The following ZNF219 variants were observed in gnomAD, a reference collection of about 807,000 sequenced individuals.
ZNF219 encodes the protein zinc finger protein 219.
Under a neutral mutation model 54.4 loss-of-function variants are expected in ZNF219, and 17 were observed. That is an observed-to-expected ratio of 0.31 (90% CI 0.21 to 0.47). ZNF219 has a LOEUF of 0.47. Ranked by LOEUF, ZNF219 falls within the 20% of genes least tolerant of loss-of-function variation. The pLI is 1.00. For missense variants in ZNF219, 1,014 were observed against 1,062.3 expected (o/e 0.95, Z 0.63); for synonymous variants, 518 against 476.4 (o/e 1.09, Z -1.14).
chr14:21,092,685 C>T lies in ZNF219; in HGVS notation c.612G>A (p.Leu204=). 1 of 1,576,920 alleles carries T rather than the reference C, an allele frequency of 6.3e-7. No individual in the cohort carries two copies. Among genetic ancestry groups the T allele is most frequent in the Non-Finnish European group, 8.6e-7 (1 of 1,163,188 alleles). The change falls in exon 3 of 5, where the codon CTG becomes CTA. Residue 204 remains leucine, a synonymous_variant. Coordinates refer to ENST00000360947, the MANE Select transcript of ZNF219 (RefSeq NM_016423.3). ...CGTGGGCCGTCAGGCTGTGGTGCAGCAGCTCCTCCTCCTGGCTGGAGCCGA... is the reference window on the plus strand; with the variant it reads ...CGTGGGCCGTCAGGCTGTGGTGCAGTAGCTCCTCCTCCTGGCTGGAGCCGA... The part of the protein sequence containing the change: ...CSFGSSQEEE[L]LHHSLTAHGA...
chr14:21,093,968 A>C, intron 1 of ZNF219: 1 of 385,720 alleles, frequency 2.6e-6, no homozygotes, highest in Non-Finnish European at 5.0e-6. Flanking sequence ...GACCATCACA[A>C]TATGCCCCTC....
upstream of ZNF219, chr14:21,098,918 C>T: frequency 2.5e-6 from 3 of 1,214,784 alleles, no homozygotes; most frequent in South Asian, 2.6e-5. Flanking sequence ...TTCTGTCTCT[C>T]TTTTGGGGGA....
chr14:21,093,334 T>C (rs1228213663), intron 2 of ZNF219, 44 bp from the exon 3 acceptor site: 2 of 1,527,450 alleles, frequency 1.3e-6, no homozygotes, highest in Non-Finnish European at 1.7e-6. Context: ...AAGGTAGAGC[T>C]GTAAAGGAAG....
At position 21,091,943 on chromosome 14, in the gene ZNF219, G is replaced by C; in HGVS notation, c.1354C>G (p.Leu452Val). 1 of 1,603,574 alleles carries C rather than the reference G, an allele frequency of 6.2e-7. No homozygotes were observed. The highest frequency in any genetic ancestry group is 8.5e-7 in the Non-Finnish European group (1 of 1,176,166). Residue 452 changes from leucine to valine, a missense_variant, in exon 3 of 5, where the codon CTG becomes GTG. Leu to Val is a conservative substitution (Grantham distance 32). This residue lies in a region of ZNF219 where 272 missense variants were observed against 248.9 expected (regional missense o/e 1.09). Transcript: ENST00000360947. ...GGTCCCTCACCCGGGCGCGGGTGCA[G>C]GGAAGCCAGAGAGCCCAGCGACCTG... is the stretch of plus-strand genomic sequence containing the variant. ...RGRSLGSLAS[L>V]HPRPGEGPGH...
In ZNF219 at chr14:21,090,873, C is replaced by A. The variant is rs1888795853; in HGVS notation, c.1832G>T (p.Ser611Ile). 1 of 1,552,740 alleles carries A rather than the reference C, an allele frequency of 6.4e-7. No homozygotes were observed. Among genetic ancestry groups the A allele is most frequent in the East Asian group, 2.4e-5 (1 of 41,532 alleles). ...CCCGTTGCGCAGGGTCCTCCCAGGG[C>A]TGGCGGGCTTCCGACGGGACCCCGG... ...AGPGSRRKPA[S>I]PGRTLRNGRG... The change falls in exon 5 of 5, where the codon AGC becomes ATC. Residue 611 changes from serine to isoleucine, a missense_variant. Transcript: ENST00000360947. The surrounding 1 kb of genome is among the most constrained non-coding windows in gnomAD (Gnocchi z 4.4).
upstream of ZNF219, chr14:21,102,946 TGGTG>T: frequency 7.4e-7 from 1 of 1,353,732 alleles, no homozygotes; most frequent in Non-Finnish European, 9.9e-7. Context: ...TCTCCCCTAA[TGGTG>T]GGTAAGAGGA....
At chr14:21,100,683 A>T (rs530129069), upstream of ZNF219, among the ~76,000 whole-genome samples, 1 of 152,348 alleles carries the variant, frequency 6.6e-6, no homozygotes, top group Non-Finnish European at 1.5e-5. Context: ...GAGACTGTCC[A>T]GAAAGTGAGA....
At position 21,091,497 on chromosome 14, in the gene ZNF219, C is replaced by T. The variant is rs747863492; in HGVS notation, c.1478G>A (p.Arg493Gln). The T allele has an allele frequency of 2.1e-5, 34 of 1,609,586 alleles. No individual in the cohort carries two copies. Among genetic ancestry groups the T allele is most frequent in the Non-Finnish European group, 2.9e-5 (34 of 1,176,894 alleles). ...AGGACAATCCTTGCCGGTGGCGCCCCGGCCCCCTTCAGGCCGGGTCCCTCC... is the reference window on the plus strand; with the variant it reads ...AGGACAATCCTTGCCGGTGGCGCCCTGGCCCCCTTCAGGCCGGGTCCCTCC... ...LVGGTRPEGG[R>Q]GATGKDCPFC... is the part of the protein sequence containing the mutation. The change falls in exon 4 of 5, where the codon CGG becomes CAG. Residue 493 changes from arginine to glutamine, a missense_variant. By Grantham distance (43) the Arg-to-Gln change is conservative. This residue lies in a region of ZNF219 where 38 missense variants were observed against 67.3 expected (regional missense o/e 0.56). Coordinates refer to ENST00000360947, the MANE Select transcript of ZNF219 (RefSeq NM_016423.3).
upstream of ZNF219, chr14:21,098,868 T>A (rs1168751005): frequency 7.8e-7 from 1 of 1,284,438 alleles, no homozygotes; most frequent in East Asian, 5.7e-5. Context: ...ACTCGGGAAG[T>A]TCTTCCTGGG....
At position 21,090,918 on chromosome 14, in the gene ZNF219, G is replaced by A. The variant is rs1888803297; in HGVS notation, c.1787C>T (p.Pro596Leu). The A allele has an allele frequency of 6.5e-7, 1 of 1,549,012 alleles. No individual in the cohort carries two copies. Among genetic ancestry groups the A allele is most frequent in the Non-Finnish European group, 8.7e-7 (1 of 1,151,132 alleles). The stretch of plus-strand genomic sequence containing the variant: ...CCCCGGCCCAGCACCGCTAGAAGGA[G>A]GCCGGGGACTTGAGGCGCCCTCCAC... ...TWVEGASSPR[P>L]PSSGAGPGSR... The change falls in exon 5 of 5, where the codon CCT becomes CTT. Residue 596 changes from proline (P) to leucine (L), a missense_variant. By Grantham distance (98) the Pro-to-Leu change is moderately conservative (BLOSUM62 -3). Transcript: ENST00000360947. This position sits in a 1 kb window ranked among gnomAD's most constrained non-coding sequence, Gnocchi z 4.4.
Position 21,090,742 on chromosome 14 carries a change from T to A in ZNF219, c.1963A>T (p.Thr655Ser). 6.2e-7 allele frequency: 1 copy of A among 1,608,786 alleles called. No homozygotes were observed. Among genetic ancestry groups the A allele is most frequent in the Non-Finnish European group, 8.5e-7 (1 of 1,178,468 alleles). Residue 655 changes from threonine to serine, a missense_variant, in exon 5 of 5, where the codon ACT (threonine) becomes TCT (serine). Thr to Ser is a moderately conservative substitution (Grantham distance 58, BLOSUM62 1). Around this residue, in one of 5 missense-constraint regions of ZNF219, gnomAD observed 281 missense variants for 271.2 expected, o/e 1.04. Transcript: ENST00000360947. This position sits in a 1 kb window ranked among gnomAD's most constrained non-coding sequence, Gnocchi z 4.4. ...LHRCLFCPFA[T>S]GAPELMALHL... ...AAGGCCATGAGCTCTGGGGCTCCAGTGGCGAACGGGCAGAAGAGGCAGCGG... is the reference window on the plus strand; with the variant it reads ...AAGGCCATGAGCTCTGGGGCTCCAGAGGCGAACGGGCAGAAGAGGCAGCGG...
At position 21,091,847 on chromosome 14, in the gene ZNF219, C is replaced by T. The variant is rs185810817; in HGVS notation, c.1432+18G>A. On this transcript the variant is annotated intron_variant, in intron 3 of 4. Transcript: ENST00000360947. The stretch of plus-strand genomic sequence containing the variant: ...AGGAGGACGCGGCGTACCCGGAGAG[C>T]GGAGGGTACCTACATACCCTGCGTG... 244 of 1,499,100 alleles carry T rather than the reference C, an allele frequency of 1.6e-4. No homozygotes were observed. The African/African-American group carries it at 3.1e-3, about 19-fold the overall frequency. The allele number at this position is 1,499,100 out of a possible 1,614,324, so 92.9% of individuals were successfully genotyped here. A position where few individuals can be genotyped will look rare whatever the true frequency, so the allele number is the denominator to read the frequency against.
chr14:21,092,021 G>GCTC lies in ZNF219; in HGVS notation c.1273_1275dup (p.Glu425dup), dbSNP rs766545474. ...TCCACCACCTCCTCTTCTTCCTCAGGCTCCTCCGCACGGTGCCGGCGAGCC... is the reference window on the plus strand; with the variant it reads ...TCCACCACCTCCTCTTCTTCCTCAGGCTCCTCCTCCGCACGGTGCCGGCGAGCC... On this transcript the variant is annotated inframe_insertion, in exon 3 of 5. Transcript: ENST00000360947. 3.9e-6 allele frequency: 6 copies of GCTC among 1,552,616 alleles called. No homozygotes were observed. Among genetic ancestry groups the GCTC allele is most frequent in the Non-Finnish European group, 5.2e-6 (6 of 1,148,568 alleles).
chr14:21,098,899 C>G, upstream of ZNF219: 1 of 1,266,830 alleles, frequency 7.9e-7, no homozygotes, highest in Non-Finnish European at 1.0e-6. Flanking sequence ...AAAGCCTCTC[C>G]CTTACAATTT....
At chr14:21,100,891 G>A (rs917066054), upstream of ZNF219, among the ~76,000 whole-genome samples, 3 of 152,186 alleles carry the variant, frequency 2.0e-5, no homozygotes, top group African/African-American at 7.2e-5. Flanking sequence ...CCATGGGGAT[G>A]AGGTAAGTGA....
chr14:21,095,277 A>G (rs1889227141), intron 1 of ZNF219, among the ~76,000 whole-genome samples: 1 of 152,180 alleles, frequency 6.6e-6, no homozygotes. Context: ...TAATATGTGT[A>G]TTTCTGTAGC....
chr14:21,099,402 A>G (rs1298088172), upstream of ZNF219, among the ~76,000 whole-genome samples: 1 of 152,186 alleles, frequency 6.6e-6, no homozygotes, highest in Non-Finnish European at 1.5e-5. Context: ...CATCGCCACC[A>G]AATAAAATCA....
At chr14:21,102,271 G>T, upstream of ZNF219, 1 of 1,405,448 alleles carries the variant, frequency 7.1e-7, no homozygotes, top group Non-Finnish European at 9.6e-7. Context: ...AAGCAAAAAA[G>T]TTAAGAGGGC....
chr14:21,091,784 A>C (rs1235779464), intron 3 of ZNF219, 81 bp downstream of exon 3: 6 of 1,474,712 alleles, frequency 4.1e-6, no homozygotes, highest in Non-Finnish European at 5.4e-6. Context: ...AGTTCTTTTA[A>C]CAAGGAAGCT....
Sources: gnomAD v4.1 joint callset for allele counts (sites outside exome capture counted in the v4.1 genomes callset) on GRCh38, gnomAD v4.1.1 for gene constraint, gnomAD v4.1.1 regional missense constraint, Gnocchi (gnomAD v3.1) non-coding constraint, MANE v1.5 for transcripts, NCBI Gene and HGNC (gene_info 2026-07-23, HGNC 2026-07-21) for gene names.